ACSM6: variants seen among roughly 807,000 people sequenced by gnomAD.
The protein encoded by ACSM6 is acyl-CoA synthetase medium chain family member 6.
Under a neutral mutation model 51.1 loss-of-function variants are expected in ACSM6, and 35 were observed. The observed-to-expected ratio is 0.69, with a 90% CI of 0.52 to 0.91. The LOEUF (loss-of-function observed/expected upper bound fraction) is 0.91. Ranked by LOEUF, ACSM6 falls within the 40% of genes least tolerant of loss-of-function variation. The probability of loss-of-function intolerance (pLI) is 0.00; values close to 1 mark genes in which losing one functional copy is unlikely to be tolerated. For missense variants in ACSM6, 509 were observed against 584.1 expected, an observed-to-expected ratio of 0.87 and a Z score of 1.32; for synonymous variants, 172 against 207.3, an observed-to-expected ratio of 0.83 and a Z score of 1.46.
At chr10:95,210,793 G>T in exon 5 of ACSM6, 1 of 1,613,496 alleles carries the variant, frequency 6.2e-7, no homozygotes, top group South Asian at 1.1e-5. Context: ...CAGGCTTCCA[G>T]GTACGGTTCT....
chr10:95,209,440 A>G (rs1165280765), intron 4 of ACSM6, among the ~76,000 whole-genome samples: 3 of 152,180 alleles, frequency 2.0e-5, no homozygotes, highest in African/African-American at 7.2e-5. Context: ...CTCAGCCACA[A>G]TTGTGAAACT....
At chr10:95,197,401 A>G (rs1414790106) in intron 2 of ACSM6, among the ~76,000 whole-genome samples, 1 of 152,198 alleles carries the variant, frequency 6.6e-6, no homozygotes, top group Non-Finnish European at 1.5e-5. Flanking sequence ...TATTTCAGCA[A>G]AAAGGAATGT....
exon 9 of ACSM6, chr10:95,219,958 C>G: frequency 6.2e-7 from 1 of 1,611,140 alleles, no homozygotes; most frequent in Non-Finnish European, 8.5e-7. Context: ...CCATTGCCAC[C>G]TTATATTGTC....
intron 9 of ACSM6, among the ~76,000 whole-genome samples, chr10:95,222,812 A>C (rs1268106291): frequency 6.6e-6 from 1 of 152,040 alleles, no homozygotes; most frequent in Non-Finnish European, 1.5e-5. Context: ...TACATACTTA[A>C]AATCTTGCTA....
rs1399271521 is a variant in ACSM6, at chr10:95,207,424, A to T, written c.611+9A>T. ...TTCAAGAAGTTGATTCAGTAAGTGG[A>T]CACTGAATATGAGATGCTTAAATGA... On this transcript the variant is annotated intron_variant, in intron 4 of 10. Coordinates refer to ENST00000341686, the Ensembl canonical transcript of ACSM6. 1 of 1,605,568 alleles carries T rather than the reference A, an allele frequency of 6.2e-7. No individual in the cohort carries two copies.
chr10:95,210,891 A>G, intron 5 of ACSM6, 98 bp downstream of exon 5: 1 of 1,363,948 alleles, frequency 7.3e-7, no homozygotes, highest in Non-Finnish European at 9.9e-7. Flanking sequence ...TTTCTTACTC[A>G]AGACTGCAGA....
intron 9 of ACSM6, among the ~76,000 whole-genome samples, chr10:95,223,069 AG>A (rs1735776791): frequency 6.6e-6 from 1 of 151,968 alleles, no homozygotes; most frequent in African/African-American, 2.4e-5. Context: ...ACCCACACAA[AG>A]GGGGAAGATG....
chr10:95,209,810 ATAATT>A (rs1352444069), intron 4 of ACSM6, among the ~76,000 whole-genome samples: 1 of 152,046 alleles, frequency 6.6e-6, no homozygotes, highest in African/African-American at 2.4e-5. Flanking sequence ...TTTCAATTGA[ATAATT>A]TAATTTTTTT....
intron 2 of ACSM6, chr10:95,201,561 T>C (rs2034794367): frequency 2.2e-6 from 1 of 455,390 alleles, no homozygotes; most frequent in Admixed American, 2.4e-5. Context: ...CATCCACTGA[T>C]GGACCCTTAG....
chr10:95,200,017 A>C (rs1416439546), intron 2 of ACSM6, among the ~76,000 whole-genome samples: 1 of 152,190 alleles, frequency 6.6e-6, no homozygotes, highest in African/African-American at 2.4e-5. Context: ...TACCCAAAGG[A>C]TTATAAATCA....
intron 2 of ACSM6, among the ~76,000 whole-genome samples, chr10:95,200,080 T>A (rs1173898120): frequency 6.6e-6 from 1 of 152,060 alleles, no homozygotes; most frequent in East Asian, 1.9e-4. Context: ...CTATTCACAA[T>A]AGCAAAGACT....
chr10:95,195,197 G>A (rs2034713133), intron 2 of ACSM6, among the ~76,000 whole-genome samples: 1 of 152,172 alleles, frequency 6.6e-6, no homozygotes, highest in Admixed American at 6.5e-5. Context: ...TAAAGCAAAT[G>A]ATAGCCACAA....
intron 2 of ACSM6, among the ~76,000 whole-genome samples, chr10:95,200,920 G>C (rs1157666193): frequency 1.5e-4 from 23 of 152,152 alleles, no homozygotes; most frequent in Admixed American, 1.5e-3. Flanking sequence ...CTCAGGGAGA[G>C]AAGAGGACAA....
intron 8 of ACSM6, among the ~76,000 whole-genome samples, chr10:95,217,763 A>C (rs535095542): frequency 6.0e-4 from 91 of 152,322 alleles, no homozygotes; most frequent in Non-Finnish European, 1.1e-3. Flanking sequence ...TAGTTTGAGG[A>C]CCCTGGTGGA....
At chr10:95,224,532 C>G (rs1036989666) in intron 9 of ACSM6, among the ~76,000 whole-genome samples, 1 of 152,208 alleles carries the variant, frequency 6.6e-6, no homozygotes, top group East Asian at 1.9e-4. Flanking sequence ...TCCCAAGTAG[C>G]TGGGATTATA....
At chr10:95,224,758 A>C (rs192338332) in intron 9 of ACSM6, among the ~76,000 whole-genome samples, 19 of 152,352 alleles carry the variant, frequency 1.2e-4, no homozygotes, top group African/African-American at 4.3e-4. Flanking sequence ...TCTAATTCTT[A>C]ATAGGAAAAA....
At chr10:95,213,731 TAAAGATTAATGAG>T (rs1317550641) in intron 7 of ACSM6, among the ~76,000 whole-genome samples, 1 of 152,214 alleles carries the variant, frequency 6.6e-6, no homozygotes, top group Non-Finnish European at 1.5e-5. Context: ...TCATCATCGA[TAAAGATTAATGAG>T]AAATCACAGG....
At chr10:95,197,716 T>C (rs1333867190) in intron 2 of ACSM6, among the ~76,000 whole-genome samples, 4 of 152,218 alleles carry the variant, frequency 2.6e-5, no homozygotes, top group South Asian at 2.1e-4. Flanking sequence ...GGCCTTCCTC[T>C]ATCTCAACTG....
intron 9 of ACSM6, among the ~76,000 whole-genome samples, chr10:95,221,480 G>T (rs1160272895): frequency 1.3e-5 from 2 of 152,116 alleles, no homozygotes; most frequent in African/African-American, 4.8e-5. Flanking sequence ...CAGCTACTCA[G>T]CAGGCTGAGG....
Sources: allele counts gnomAD v4.1 joint callset (sites outside exome capture counted in the v4.1 genomes callset), GRCh38; gene constraint gnomAD v4.1.1; transcripts MANE v1.5; gene names NCBI Gene and HGNC (gene_info 2026-07-23, HGNC 2026-07-21).